The following KCNMA1 variants were observed in gnomAD, a reference collection of about 807,000 sequenced individuals.
KCNMA1 encodes the protein Calcium-activated potassium channel subunit alpha-1.
KCNMA1 carries 29 observed loss-of-function variants against 140.0 expected under a neutral mutation model. The observed-to-expected ratio is 0.21, with a 90% CI of 0.15 to 0.28. The LOEUF (loss-of-function observed/expected upper bound fraction) is 0.28. Ranked by LOEUF, KCNMA1 falls within the 10% of genes least tolerant of loss-of-function variation. The probability of loss-of-function intolerance (pLI) is 1.00; values close to 1 mark genes in which losing one functional copy is unlikely to be tolerated. For synonymous variants in KCNMA1, 612 were observed against 611.9 expected, an observed-to-expected ratio of 1.00 and a Z score of 0.00; for missense variants, 880 against 1,602.2, an observed-to-expected ratio of 0.55 and a Z score of 7.70.
At chr10:77,170,686 C>T (rs1014672807) in intron 5 of KCNMA1, among the ~76,000 whole-genome samples, 5 of 152,190 alleles carry the variant, frequency 3.3e-5, no homozygotes, top group Non-Finnish European at 5.9e-5. Context: ...ATCTATTTTC[C>T]TGAATGAGTT....
At chr10:77,433,206 G>A (rs967344021) in intron 1 of KCNMA1, among the ~76,000 whole-genome samples, 4 of 152,268 alleles carry the variant, frequency 2.6e-5, no homozygotes, top group African/African-American at 7.2e-5. Flanking sequence ...AGGCTGGAGT[G>A]CAATGCTATG....
chr10:77,595,208 A>G (rs1422527186), intron 1 of KCNMA1, among the ~76,000 whole-genome samples: 2 of 152,038 alleles, frequency 1.3e-5, no homozygotes, highest in African/African-American at 4.8e-5. Flanking sequence ...TTAGCCGGGC[A>G]TGGTGGTGGG....
At position 76,935,674 on chromosome 10, in the gene KCNMA1, T is replaced by C. The variant is rs188643042; in HGVS notation, c.2902+9099A>G. Among the ~76,000 whole-genome samples, 323 of 152,190 alleles carry C rather than the reference T, an allele frequency of 2.1e-3. 1 individual carries two copies. Among genetic ancestry groups the C allele is most frequent in the African/African-American group, 7.3e-3 (303 of 41,506 alleles). ...AACCAGGCACACAAATTTTGAGGAG[T>C]AAACTGGCATGTGAGAGCCAGATGC... On this transcript the variant is annotated intron_variant, in intron 23 of 27. Coordinates refer to ENST00000286628, the MANE Select transcript of KCNMA1 (RefSeq NM_001161352.2).
At chr10:77,636,937 C>T (rs1167378059) in intron 1 of KCNMA1, 16 of 1,420,166 alleles carry the variant, frequency 1.1e-5, no homozygotes, top group Non-Finnish European at 1.5e-5. Context: ...GTTGGCTGTC[C>T]CCACCCCGCA....
chr10:77,252,625 C>A (rs1471447912), intron 2 of KCNMA1, among the ~76,000 whole-genome samples: 2 of 152,034 alleles, frequency 1.3e-5, no homozygotes, highest in Non-Finnish European at 1.5e-5. Context: ...CACACACACA[C>A]ACACTCCTGT....
At chr10:77,208,900 G>A (rs1324796386) in intron 3 of KCNMA1, among the ~76,000 whole-genome samples, 1 of 152,186 alleles carries the variant, frequency 6.6e-6, no homozygotes, top group African/African-American at 2.4e-5. Flanking sequence ...GTCAACTGCT[G>A]TAAGATCCTG....
chr10:76,990,755 A>G (rs2082510568), intron 19 of KCNMA1, among the ~76,000 whole-genome samples: 1 of 152,260 alleles, frequency 6.6e-6, no homozygotes, highest in African/African-American at 2.4e-5. Flanking sequence ...GTTACAGGCC[A>G]TATGTGGAAA....
chr10:77,005,521 C>T (rs1253256208), intron 18 of KCNMA1, among the ~76,000 whole-genome samples: 2 of 152,150 alleles, frequency 1.3e-5, no homozygotes, highest in Non-Finnish European at 2.9e-5. Context: ...TTAACTGCCC[C>T]GATAGGCCAA....
chr10:77,552,665 G>A (rs187979533), intron 1 of KCNMA1, among the ~76,000 whole-genome samples: 7 of 152,280 alleles, frequency 4.6e-5, no homozygotes, highest in East Asian at 3.9e-4. Flanking sequence ...TTGACATGAT[G>A]TTTATGATCT....
At chr10:76,995,780 A>C (rs2084109714) in intron 19 of KCNMA1, 1 of 433,174 alleles carries the variant, frequency 2.3e-6, no homozygotes, top group Admixed American at 2.6e-5. Flanking sequence ...GGCTTACATG[A>C]GGCATGCCAA....
Position 77,143,170 on chromosome 10 carries a change from TA to T in KCNMA1, c.809-22123del, listed in dbSNP as rs539920302. Among the ~76,000 whole-genome samples the T allele has an allele frequency of 3.8e-4, 58 of 152,174 alleles. 1 individual carries two copies. The highest frequency in any genetic ancestry group is 1.3e-3 in the African/African-American group (53 of 41,526). On this transcript the variant is annotated intron_variant, in intron 5 of 27. Transcript: ENST00000286628. Reference sequence around the variant, plus strand: ...TCATCAACATAGACACAACAATCCTTAAATAAATACTAGTCAAATGAATCCA... The same window carrying T: ...TCATCAACATAGACACAACAATCCTTAATAAATACTAGTCAAATGAATCCA...
Position 77,609,209 on chromosome 10 carries a change from G to A in KCNMA1, c.378+28056C>T, listed in dbSNP as rs113026104. Among the ~76,000 whole-genome samples the A allele has an allele frequency of 4.8e-3, 727 of 152,318 alleles. 7 individuals carry two copies. Among genetic ancestry groups the A allele is most frequent in the African/African-American group, 0.016 (683 of 41,554 alleles). ...CGAACCTATCTAAGTGCCCACCAAC[G>A]GATGATGGATAAAGAAATTGTGGTA... On this transcript the variant is annotated intron_variant, in intron 1 of 27. Coordinates refer to ENST00000286628, the MANE Select transcript of KCNMA1 (RefSeq NM_001161352.2).
intron 1 of KCNMA1, among the ~76,000 whole-genome samples, chr10:77,607,152 G>A (rs2084850986): frequency 6.6e-6 from 1 of 152,192 alleles, no homozygotes. Flanking sequence ...GTCAGAAAAG[G>A]GTCTGAGTAG....
intron 1 of KCNMA1, among the ~76,000 whole-genome samples, chr10:77,437,001 T>A (rs949753513): frequency 7.3e-6 from 1 of 136,190 alleles, no homozygotes; most frequent in Non-Finnish European, 1.5e-5. Flanking sequence ...CACACACTCC[T>A]TCAGCCAAAA....
At chr10:77,063,702 T>C in intron 14 of KCNMA1, 1 of 980,168 alleles carries the variant, frequency 1.0e-6, no homozygotes, top group Non-Finnish European at 1.2e-6. Context: ...TTATTCCTTA[T>C]GGCTTACATA....
intron 5 of KCNMA1, among the ~76,000 whole-genome samples, chr10:77,134,489 T>C (rs2766625): frequency 0.37 from 56,649 of 151,788 alleles, 11,786 homozygotes; most frequent in East Asian, 0.88. Context: ...AAAAAAAATG[T>C]GCACCATATA....
downstream of KCNMA1, chr10:76,884,041 T>C (rs566526113): frequency 2.9e-5 from 27 of 943,238 alleles, no homozygotes; most frequent in African/African-American, 4.6e-4. Context: ...CAAAATTCCA[T>C]CTCTTATCAT....
intron 1 of KCNMA1, among the ~76,000 whole-genome samples, chr10:77,567,185 C>T (rs146837757): frequency 2.0e-5 from 3 of 152,200 alleles, no homozygotes; most frequent in Admixed American, 6.5e-5. Flanking sequence ...TCAAGCTCAA[C>T]GCAATGTTCA....
intron 2 of KCNMA1, among the ~76,000 whole-genome samples, chr10:77,304,215 C>T (rs2077153397): frequency 1.3e-5 from 2 of 152,198 alleles, no homozygotes; most frequent in African/African-American, 4.8e-5. Context: ...CAGGTGTCTT[C>T]CTCTACTAGG....
Sources: gnomAD v4.1 joint callset for allele counts (sites outside exome capture counted in the v4.1 genomes callset) on GRCh38, gnomAD v4.1.1 for gene constraint, MANE v1.5 for transcripts, NCBI Gene and HGNC (gene_info 2026-07-23, HGNC 2026-07-21) for gene names.